SMC6: variants seen among roughly 807,000 people sequenced by gnomAD.
SMC6 encodes structural maintenance of chromosomes protein 6.
Under a neutral mutation model 142.2 loss-of-function variants are expected in SMC6, and 79 were observed. The observed-to-expected ratio is 0.56, with a 90% CI of 0.46 to 0.67. SMC6 has a LOEUF of 0.67. Among genes scored for constraint, SMC6 ranks in the 30% least tolerant of loss-of-function variants. SMC6 has a pLI of 0.00. For synonymous variants in SMC6, 411 were observed against 412.4 expected, an observed-to-expected ratio of 1.00 and a Z score of 0.04; for missense variants, 1,072 against 1,284.0, an observed-to-expected ratio of 0.83 and a Z score of 2.52.
At chr2:17,698,147 G>C (rs772303055) in intron 21 of SMC6, among the ~76,000 whole-genome samples, 44 of 152,058 alleles carry the variant, frequency 2.9e-4, no homozygotes, top group Admixed American at 5.2e-4. Context: ...GAGAGAATTG[G>C]GAGTGTCTGT....
intron 3 of SMC6, 21 bp downstream of exon 3, chr2:17,745,806 A>G: frequency 6.3e-7 from 1 of 1,581,260 alleles, no homozygotes; most frequent in Non-Finnish European, 8.6e-7. Context: ...AAAAAGCATA[A>G]TTTTGTAATT....
chr2:17,685,138 G>C (rs956693477), intron 23 of SMC6, among the ~76,000 whole-genome samples: 1 of 119,438 alleles, frequency 8.4e-6, no homozygotes, highest in African/African-American at 3.6e-5. Flanking sequence ...GAAAAAAAAA[G>C]ACAAAATGGT....
chr2:17,711,159 T>C (rs141814622), intron 16 of SMC6, among the ~76,000 whole-genome samples: 2 of 152,168 alleles, frequency 1.3e-5, no homozygotes, highest in Admixed American at 1.3e-4. Flanking sequence ...AAGGCCATCA[T>C]TACATGAAGC....
intron 24 of SMC6, among the ~76,000 whole-genome samples, chr2:17,682,430 G>A (rs1479173009): frequency 6.6e-6 from 1 of 152,144 alleles, no homozygotes. Flanking sequence ...TGTTGCTCTT[G>A]TTTCAGGAGC....
intron 23 of SMC6, among the ~76,000 whole-genome samples, chr2:17,685,151 G>C (rs1667394889): frequency 6.8e-6 from 1 of 146,458 alleles, no homozygotes; most frequent in Non-Finnish European, 1.5e-5. Context: ...AAAATGGTTA[G>C]ACAAAATGAT....
At chr2:17,700,457 G>C in intron 20 of SMC6, 79 bp from the exon 21 acceptor site, 1 of 1,175,830 alleles carries the variant, frequency 8.5e-7, no homozygotes, top group Admixed American at 3.0e-5. Flanking sequence ...AAATAATTCT[G>C]AGAGAGGAGA....
chr2:17,712,932 C>T (rs1447438373), intron 16 of SMC6, among the ~76,000 whole-genome samples: 1 of 152,236 alleles, frequency 6.6e-6, no homozygotes, highest in Non-Finnish European at 1.5e-5. Flanking sequence ...CTACCTGCTC[C>T]TGAAGCCAAA....
At chr2:17,702,806 G>A (rs1191672890) in intron 19 of SMC6, among the ~76,000 whole-genome samples, 5 of 152,120 alleles carry the variant, frequency 3.3e-5, no homozygotes, top group Non-Finnish European at 5.9e-5. Context: ...CACGTAAGAT[G>A]TGCCTTTTGC....
chr2:17,700,165 A>G, intron 21 of SMC6, 43 bp downstream of exon 21: 2 of 1,412,488 alleles, frequency 1.4e-6, no homozygotes, highest in African/African-American at 1.4e-5. Flanking sequence ...ATATAAAACT[A>G]AAACATAAAA....
intron 24 of SMC6, chr2:17,681,761 C>T (rs983012140): frequency 1.3e-5 from 2 of 152,022 alleles, no homozygotes; most frequent in African/African-American, 2.4e-5. Flanking sequence ...CAGATCACTA[C>T]AACAGATTAA....
chr2:17,726,818 A>G (rs1340625539), intron 7 of SMC6, among the ~76,000 whole-genome samples: 1 of 152,152 alleles, frequency 6.6e-6, no homozygotes, highest in Admixed American at 6.5e-5. Flanking sequence ...CTGGTTAATC[A>G]TGGGACAGCA....
intron 17 of SMC6, 95 bp downstream of exon 17, chr2:17,708,544 T>C: frequency 3.8e-6 from 2 of 527,586 alleles, no homozygotes; most frequent in Non-Finnish European, 5.9e-6. Flanking sequence ...CATCAGCAAC[T>C]CTATGATAAA....
chr2:17,680,992 T>C (rs1034568834), intron 24 of SMC6: 2 of 152,240 alleles, frequency 1.3e-5, no homozygotes, highest in African/African-American at 4.8e-5. Context: ...CAAGGCTGTT[T>C]TGTCTGTGTT....
At chr2:17,693,027 A>T (rs1003096922) in intron 23 of SMC6, among the ~76,000 whole-genome samples, 12 of 152,196 alleles carry the variant, frequency 7.9e-5, no homozygotes, top group Non-Finnish European at 1.6e-4. Context: ...CACCAGTTAG[A>T]ATGGCGATCA....
intron 23 of SMC6, among the ~76,000 whole-genome samples, chr2:17,685,188 A>G (rs1456795814): frequency 6.6e-6 from 1 of 152,088 alleles, no homozygotes; most frequent in Non-Finnish European, 1.5e-5. Flanking sequence ...GATATTCAAC[A>G]TAACTAAAGA....
At chr2:17,732,890 C>G (rs564461804) in intron 5 of SMC6, among the ~76,000 whole-genome samples, 1 of 151,754 alleles carries the variant, frequency 6.6e-6, no homozygotes, top group Non-Finnish European at 1.5e-5. Context: ...TACAGCCACG[C>G]ATATTTTAAG....
At chr2:17,698,287 A>G (rs1410359241) in intron 21 of SMC6, among the ~76,000 whole-genome samples, 1 of 152,058 alleles carries the variant, frequency 6.6e-6, no homozygotes, top group East Asian at 1.9e-4. Flanking sequence ...TGAACAATAT[A>G]TAAATAATGA....
chr2:17,667,311 T>G (rs1666544222), intron 26 of SMC6, among the ~76,000 whole-genome samples: 1 of 152,194 alleles, frequency 6.6e-6, no homozygotes, highest in Admixed American at 6.5e-5. Flanking sequence ...TATAAACCAA[T>G]TTGAACTTAC....
chr2:17,673,727 G>T (rs1337496419), intron 25 of SMC6, among the ~76,000 whole-genome samples: 5 of 151,570 alleles, frequency 3.3e-5, no homozygotes, highest in Non-Finnish European at 7.4e-5. Context: ...GTGCCACCAT[G>T]CCCAGCTAAT....
Sources: gnomAD v4.1 joint callset for allele counts (sites outside exome capture counted in the v4.1 genomes callset) on GRCh38, gnomAD v4.1.1 for gene constraint, MANE v1.5 for transcripts, NCBI Gene and HGNC (gene_info 2026-07-23, HGNC 2026-07-21) for gene names.